Variants in SOCS5 observed in about 807,000 individuals in gnomAD.
SOCS5 encodes the protein suppressor of cytokine signaling 5.
A neutral mutation model predicts 42.8 loss-of-function variants in SOCS5; 32 were observed. The observed-to-expected ratio is 0.75, with a 90% confidence interval of 0.56 to 1.01. SOCS5 has a LOEUF of 1.01. Ranked by LOEUF, SOCS5 falls within the 50% of genes least tolerant of loss-of-function variation. The pLI is 0.00. For missense variants in SOCS5, 627 were observed against 653.0 expected, an observed-to-expected ratio of 0.96 and a Z score of 0.43; for synonymous variants, 283 against 229.6, an observed-to-expected ratio of 1.23 and a Z score of -2.10.
chr2:46,730,888 T>A (rs1183272545), intron 1 of SOCS5, among the ~76,000 whole-genome samples: 2 of 152,170 alleles, frequency 1.3e-5, no homozygotes, highest in African/African-American at 4.8e-5. Flanking sequence ...TTGTGTTACA[T>A]TTTGGGGTCA....
At chr2:46,749,516 C>G (rs2045291) in intron 1 of SOCS5, among the ~76,000 whole-genome samples, 111,690 of 152,098 alleles carry the variant, frequency 0.73, 41,932 homozygotes, top group African/African-American at 0.88. Context: ...TTTGATGAAT[C>G]GTGTATTTGT....
In SOCS5 at chr2:46,759,999, C is replaced by G. The variant is rs758705470; in HGVS notation, c.1469C>G (p.Ala490Gly). ...FPFSLQYICR[A>G]VICRCTTYDG... ...TTTAGCCTGCAGTATATCTGTCGCG[C>G]GGTAATCTGCAGGTGCACTACGTAT... Residue 490 changes from alanine (A) to glycine (G), a missense_variant, in exon 2 of 2, where the codon GCG becomes GGG. By Grantham distance (60) the Ala-to-Gly change is moderately conservative. Around this residue, in one of 3 missense-constraint regions of SOCS5, gnomAD observed 340 missense variants for 367.6 expected, o/e 0.92. Transcript: ENST00000394861. 1 of 1,614,144 alleles carries G rather than the reference C, an allele frequency of 6.2e-7. No homozygotes were observed. The highest frequency in any genetic ancestry group is 8.5e-7 in the Non-Finnish European group (1 of 1,180,022).
Position 46,759,671 on chromosome 2 carries a change from T to A in SOCS5, c.1141T>A (p.Cys381Ser). 6.2e-7 allele frequency: 1 copy of A among 1,614,112 alleles called. No homozygotes were observed. Among genetic ancestry groups the A allele is most frequent in the Non-Finnish European group, 8.5e-7 (1 of 1,179,984 alleles). Residue 381 changes from cysteine (C) to serine (S), a missense_variant, in exon 2 of 2, where the codon TGT (cysteine) becomes AGT (serine). Physicochemically the swap from Cys to Ser is moderately radical, Grantham distance 112. Transcript: ENST00000394861. Reference sequence around the variant, plus strand: ...TTTGCTTCAAATTACAGGGAATCCCTGTTACTGGGGAGTGATGGACCGTTA... The same window carrying A: ...TTTGCTTCAAATTACAGGGAATCCCAGTTACTGGGGAGTGATGGACCGTTA... ...PDLLQITGNP[C>S]YWGVMDRYEA...
chr2:46,759,581 G>A lies in SOCS5; in HGVS notation c.1051G>A (p.Val351Ile), dbSNP rs764915604. 1.2e-6 allele frequency: 2 copies of A among 1,613,868 alleles called. No homozygotes were observed. Among genetic ancestry groups the A allele is most frequent in the South Asian group, 1.1e-5 (1 of 91,080 alleles). ...RQISGDSHTH[V>I]SRQGAWKVHT... ...GATATCTGGAGACAGCCATACCCATGTTAGCAGACAGGGAGCTTGGAAAGT... is the reference window on the plus strand; with the variant it reads ...GATATCTGGAGACAGCCATACCCATATTAGCAGACAGGGAGCTTGGAAAGT... Residue 351 changes from valine to isoleucine, a missense_variant, in exon 2 of 2, where the codon GTT becomes ATT. Transcript: ENST00000394861.
intron 1 of SOCS5, among the ~76,000 whole-genome samples, chr2:46,757,073 A>G (rs1382731370): frequency 1.3e-5 from 2 of 152,230 alleles, no homozygotes; most frequent in Non-Finnish European, 2.9e-5. Context: ...ACATTTTATA[A>G]TATCATGGAC....
chr2:46,736,181 G>A (rs1673241640), intron 1 of SOCS5, among the ~76,000 whole-genome samples: 1 of 151,870 alleles, frequency 6.6e-6, no homozygotes, highest in Non-Finnish European at 1.5e-5. Context: ...AGCTGGGATT[G>A]TAGGTGTGTG....
upstream of SOCS5, chr2:46,699,109 A>G (rs1408518005): frequency 6.6e-6 from 1 of 152,428 alleles, no homozygotes. The surrounding 1 kb of genome is among the most constrained non-coding windows in gnomAD (Gnocchi z 4.8). Flanking sequence ...GCTATTGGTC[A>G]CGGTAGGCTG....
At chr2:46,741,113 C>A (rs1040688885) in intron 1 of SOCS5, among the ~76,000 whole-genome samples, 11 of 152,262 alleles carry the variant, frequency 7.2e-5, no homozygotes, top group African/African-American at 2.4e-4. Context: ...TGTCTCTTCC[C>A]TTCCTCACCG....
In SOCS5 at chr2:46,759,976, T is replaced by C. The variant is rs753706572; in HGVS notation, c.1446T>C (p.Phe482=). 6.2e-7 allele frequency: 1 copy of C among 1,614,214 alleles called. No homozygotes were observed. The highest frequency in any genetic ancestry group is 1.7e-5 in the Admixed American group (1 of 60,020). ...LTISLNRTFP[F]SLQYICRAVI... is the part of the protein sequence containing the mutation. ...TATCACTAAATAGGACTTTCCCTTT[T>C]AGCCTGCAGTATATCTGTCGCGCGG... Residue 482 remains phenylalanine, a synonymous_variant, in exon 2 of 2, where the codon TTT becomes TTC. Coordinates refer to ENST00000394861, the MANE Select transcript of SOCS5 (RefSeq NM_144949.3).
intron 1 of SOCS5, among the ~76,000 whole-genome samples, chr2:46,754,726 A>C (rs968516073): frequency 5.3e-5 from 8 of 152,182 alleles, no homozygotes; most frequent in Non-Finnish European, 1.2e-4. Context: ...CCTAATATTA[A>C]ATAACAGTAT....
Position 46,699,857 on chromosome 2 carries a change from A to C in SOCS5, c.-13+408A>C, listed in dbSNP as rs978057966. 6.6e-6 allele frequency among the ~76,000 whole-genome samples: 1 copy of C among 152,062 alleles called. No homozygotes were observed. The highest frequency in any genetic ancestry group is 1.5e-5 in the Non-Finnish European group (1 of 68,012). On this transcript the variant is annotated intron_variant, in intron 1 of 1. Coordinates refer to ENST00000394861, the MANE Select transcript of SOCS5 (RefSeq NM_144949.3). This position sits in a 1 kb window ranked among gnomAD's most constrained non-coding sequence, Gnocchi z 4.8. The stretch of plus-strand genomic sequence containing the variant: ...AGACTGAAGCAGTTACACAGGCTGC[A>C]GGGAAGGGAGCACCGACCAAGTCAC...
intron 1 of SOCS5, among the ~76,000 whole-genome samples, chr2:46,703,255 G>C (rs1346466648): frequency 6.6e-6 from 1 of 152,058 alleles, no homozygotes; most frequent in Non-Finnish European, 1.5e-5. Flanking sequence ...GCATGCTGTT[G>C]GTGGTACTTC....
At position 46,738,363 on chromosome 2, in the gene SOCS5, C is replaced by G. The variant is rs370196705; in HGVS notation, c.-12-20156C>G. On this transcript the variant is annotated intron_variant, in intron 1 of 1. Transcript: ENST00000394861. ...CAGAAAAGGTACACTGGAGGGACAT[C>G]TTGAAAAAAGAAACTGTTGAACTAG... is the stretch of plus-strand genomic sequence containing the variant. Among the ~76,000 whole-genome samples the G allele has an allele frequency of 6.3e-4, 96 of 152,168 alleles. No homozygotes were observed. In the Middle Eastern group the frequency reaches 0.014, roughly 22 times the overall value.
rs11373537 is a variant in SOCS5, at chr2:46,746,922, C to CTTTTTTTTTTTTT, written c.-12-11588_-12-11576dup. On this transcript the variant is annotated intron_variant, in intron 1 of 1. Transcript: ENST00000394861. ...TTTTCCAATTTGCATGACTTTATTTCTTTTTTTTTTTTTTTTTTTTTGCCT... is the reference window on the plus strand; with the variant it reads ...TTTTCCAATTTGCATGACTTTATTTCTTTTTTTTTTTTTTTTTTTTTTTTTTTTTTTTTTGCCT... 2.7e-3 allele frequency among the ~76,000 whole-genome samples: 188 copies of CTTTTTTTTTTTTT among 70,772 alleles called. 2 individuals are homozygous for CTTTTTTTTTTTTT. The highest frequency in any genetic ancestry group is 3.6e-3 in the East Asian group (8 of 2,248). The allele number at this position is 70,772 out of a possible 152,430, so 46.4% of individuals were successfully genotyped here.
chr2:46,714,185 A>C (rs936137330), intron 1 of SOCS5, among the ~76,000 whole-genome samples: 1 of 152,164 alleles, frequency 6.6e-6, no homozygotes, highest in Non-Finnish European at 1.5e-5. Flanking sequence ...TATATCTTAC[A>C]TCTTTACTGA....
At chr2:46,745,444 G>C (rs947819715) in intron 1 of SOCS5, among the ~76,000 whole-genome samples, 2 of 152,148 alleles carry the variant, frequency 1.3e-5, no homozygotes, top group South Asian at 2.1e-4. Flanking sequence ...TCAAAAACAT[G>C]TCTAGCTATG....
At chr2:46,746,315 G>C (rs532931074) in intron 1 of SOCS5, among the ~76,000 whole-genome samples, 1 of 152,058 alleles carries the variant, frequency 6.6e-6, no homozygotes, top group Non-Finnish European at 1.5e-5. Flanking sequence ...AGAATATCTA[G>C]CATGTTTTCT....
At chr2:46,734,663 C>G (rs767158430) in intron 1 of SOCS5, among the ~76,000 whole-genome samples, 1 of 152,106 alleles carries the variant, frequency 6.6e-6, no homozygotes, top group Non-Finnish European at 1.5e-5. Flanking sequence ...CCTTCTCTTA[C>G]AGAAATAAGA....
chr2:46,750,393 G>A (rs966583931), intron 1 of SOCS5, among the ~76,000 whole-genome samples: 2 of 151,888 alleles, frequency 1.3e-5, no homozygotes, highest in African/African-American at 4.8e-5. Context: ...CCCTAAAATT[G>A]TCTTTTTTGG....
Sources: allele counts gnomAD v4.1 joint callset (sites outside exome capture counted in the v4.1 genomes callset), GRCh38; gene constraint gnomAD v4.1.1; regional missense constraint gnomAD v4.1.1; non-coding constraint Gnocchi (gnomAD v3.1); transcripts MANE v1.5; gene names NCBI Gene and HGNC (gene_info 2026-07-23, HGNC 2026-07-21).